Variants in MBD5 observed in about 807,000 individuals in gnomAD.
MBD5 encodes the protein methyl-CpG binding domain protein 5.
In MBD5, 13 loss-of-function variants were observed where a neutral mutation model predicts 117.3. The ratio of observed to expected loss-of-function variants is 0.11; its 90% confidence interval spans 0.07 to 0.18. The LOEUF (loss-of-function observed/expected upper bound fraction) is 0.18. MBD5 is among the 10% of genes least tolerant of loss of function. MBD5 has a pLI of 1.00. For missense variants in MBD5, 1,879 were observed against 2,093.8 expected, an observed-to-expected ratio of 0.90 and a Z score of 2.00; for synonymous variants, 727 against 766.4, an observed-to-expected ratio of 0.95 and a Z score of 0.85.
At chr2:148,256,367 G>A (rs763118285) in intron 3 of MBD5, among the ~76,000 whole-genome samples, 1 of 152,216 alleles carries the variant, frequency 6.6e-6, no homozygotes, top group African/African-American at 2.4e-5. Context: ...CCTCATCATT[G>A]CCGGGGGTGG....
chr2:148,486,355 A>G (rs565279717), intron 10 of MBD5, among the ~76,000 whole-genome samples: 41 of 152,246 alleles, frequency 2.7e-4, no homozygotes, highest in African/African-American at 9.1e-4. Context: ...AATTCCTGCT[A>G]GGTTAAGGAG....
At chr2:148,163,725 ATAACT>A (rs1333750897) in intron 1 of MBD5, among the ~76,000 whole-genome samples, 1 of 152,212 alleles carries the variant, frequency 6.6e-6, no homozygotes, top group Non-Finnish European at 1.5e-5. Flanking sequence ...CGAGAATTAA[ATAACT>A]TAAATGTACA....
chr2:148,369,563 T>C (rs1036281645), intron 4 of MBD5, among the ~76,000 whole-genome samples: 2 of 152,172 alleles, frequency 1.3e-5, no homozygotes, highest in African/African-American at 2.4e-5. Flanking sequence ...ATGAAAATCA[T>C]TGAGGAATCT....
intron 1 of MBD5, among the ~76,000 whole-genome samples, chr2:148,091,982 A>T (rs1343034380): frequency 6.6e-6 from 1 of 152,176 alleles, no homozygotes; most frequent in African/African-American, 2.4e-5. Flanking sequence ...AAACAGTCCC[A>T]TCAAAAAGTC....
chr2:148,337,370 A>T (rs533871145), intron 3 of MBD5, among the ~76,000 whole-genome samples: 5 of 152,156 alleles, frequency 3.3e-5, no homozygotes, highest in Non-Finnish European at 7.4e-5. Flanking sequence ...TATGGTTTTT[A>T]TCATGTAAGC....
chr2:148,023,817 G>T (rs1190639989), intron 1 of MBD5, among the ~76,000 whole-genome samples: 1 of 151,178 alleles, frequency 6.6e-6, no homozygotes, highest in African/African-American at 2.4e-5. Flanking sequence ...TCACCCCCAT[G>T]ATCCTTTATG....
chr2:148,195,380 C>G (rs906714800), intron 2 of MBD5, among the ~76,000 whole-genome samples: 1 of 151,948 alleles, frequency 6.6e-6, no homozygotes, highest in Non-Finnish European at 1.5e-5. Context: ...ATCCACTTAA[C>G]AATAGATCTT....
At chr2:148,503,420 A>G (rs1361303273) in intron 12 of MBD5, among the ~76,000 whole-genome samples, 1 of 152,204 alleles carries the variant, frequency 6.6e-6, no homozygotes, top group Non-Finnish European at 1.5e-5. Flanking sequence ...CAAAGTGGAG[A>G]TCAGAATGAT....
intron 1 of MBD5, among the ~76,000 whole-genome samples, chr2:148,092,963 G>T (rs1160014341): frequency 6.6e-6 from 1 of 151,860 alleles, no homozygotes; most frequent in African/African-American, 2.4e-5. Flanking sequence ...TGTCACCCAG[G>T]CTGGAGTGCA....
At chr2:148,477,139 A>C (rs1054890724) in intron 8 of MBD5, among the ~76,000 whole-genome samples, 1 of 152,096 alleles carries the variant, frequency 6.6e-6, no homozygotes, top group Admixed American at 6.6e-5. Flanking sequence ...AGAAAAAAAA[A>C]CAAACTCTTT....
intron 2 of MBD5, among the ~76,000 whole-genome samples, chr2:148,189,280 C>G (rs1171448909): frequency 6.7e-6 from 1 of 150,044 alleles, no homozygotes; most frequent in East Asian, 2.0e-4. Flanking sequence ...CTGCCTGCCT[C>G]TGTAGGCTCC....
rs1696327295 is a variant in MBD5 at position 148,104,871 on chromosome 2, A to G, written c.-924-73829A>G. 1.3e-5 allele frequency among the ~76,000 whole-genome samples: 2 copies of G among 152,266 alleles called. 1 individual carries two copies. Among genetic ancestry groups the G allele is most frequent in the South Asian group, 4.1e-4 (2 of 4,828 alleles). On this transcript the variant is annotated intron_variant, in intron 1 of 13. Transcript: ENST00000642680. ...AAAGTAATACTCAAATAATAAGCTC[A>G]TGAGATATTTAATGCTTGTGAGTTA...
intron 3 of MBD5, among the ~76,000 whole-genome samples, chr2:148,240,339 C>T (rs1208154777): frequency 6.6e-6 from 1 of 151,888 alleles, no homozygotes; most frequent in African/African-American, 2.4e-5. Context: ...ATGGGTGCAG[C>T]ACACCAACAT....
chr2:148,278,503 C>T (rs1025578919), intron 3 of MBD5, among the ~76,000 whole-genome samples: 3 of 152,010 alleles, frequency 2.0e-5, no homozygotes, highest in African/African-American at 7.2e-5. Flanking sequence ...TTTTCCATTT[C>T]TTTGGGTAAT....
chr2:148,295,572 T>G (rs78275979), intron 3 of MBD5: 1 of 152,422 alleles, frequency 6.6e-6, no homozygotes, highest in Admixed American at 6.5e-5. Flanking sequence ...CCGAGACTAA[T>G]AGAAAAGAAC....
intron 1 of MBD5, among the ~76,000 whole-genome samples, chr2:148,122,086 A>G (rs1439970099): frequency 3.3e-5 from 5 of 152,146 alleles, no homozygotes; most frequent in African/African-American, 1.2e-4. Flanking sequence ...CATTCTTTTA[A>G]AACTCTAGAT....
intron 1 of MBD5, among the ~76,000 whole-genome samples, chr2:148,063,811 C>T (rs2105012877): frequency 6.6e-6 from 1 of 152,184 alleles, no homozygotes; most frequent in South Asian, 2.1e-4. Context: ...CCTGTGGACT[C>T]TGCCCAACCT....
At chr2:148,365,862 ACC>A in intron 4 of MBD5, among the ~76,000 whole-genome samples, 1 of 152,132 alleles carries the variant, frequency 6.6e-6, no homozygotes, top group African/African-American at 2.4e-5. Flanking sequence ...AAAACCCCAG[ACC>A]AGATGGATGC....
At chr2:148,377,469 G>C (rs1704023197) in intron 4 of MBD5, among the ~76,000 whole-genome samples, 1 of 152,190 alleles carries the variant, frequency 6.6e-6, no homozygotes, top group African/African-American at 2.4e-5. Flanking sequence ...ATCACAGGTA[G>C]TAAATTATTG....
Sources: allele counts gnomAD v4.1 joint callset (sites outside exome capture counted in the v4.1 genomes callset), GRCh38; gene constraint gnomAD v4.1.1; transcripts MANE v1.5; gene names NCBI Gene and HGNC (gene_info 2026-07-23, HGNC 2026-07-21).